Variants in DOK3 observed in about 807,000 individuals in gnomAD.
DOK3 encodes docking protein 3, also known as Dok-like protein.
Under a neutral mutation model 26.2 loss-of-function variants are expected in DOK3, and 23 were observed. That is an observed-to-expected ratio of 0.88 (90% CI 0.63 to 1.24). The LOEUF (loss-of-function observed/expected upper bound fraction) is 1.24, where lower values mean the gene tolerates loss of function less well. DOK3 is among the 50% of genes most tolerant of loss of function. The probability of loss-of-function intolerance (pLI) is 0.00; values close to 1 mark genes in which losing one functional copy is unlikely to be tolerated. For synonymous variants in DOK3, 268 were observed against 268.2 expected (o/e 1.00, Z 0.01); for missense variants, 619 against 610.6 (o/e 1.01, Z -0.15).
At position 177,509,817 on chromosome 5, in the gene DOK3, ACGCG is replaced by A; in HGVS notation, c.-181_-178del. 2 of 1,611,444 alleles carry A rather than the reference ACGCG, an allele frequency of 1.2e-6. No individual in the cohort carries two copies. The highest frequency in any genetic ancestry group is 2.2e-5 in the South Asian group (2 of 90,992). Reference sequence around the variant, plus strand: ...TCTCACGCACCTGGTTCAGCTGGGCACGCGCGTCTGATCGCAGTCTGGCTCCCCG... The same window carrying A: ...TCTCACGCACCTGGTTCAGCTGGGCACGTCTGATCGCAGTCTGGCTCCCCG... On this transcript the variant is annotated 5_prime_UTR_variant, in exon 1 of 6. Transcript: ENST00000510898.
intron 2 of DOK3, 172 bp from the exon 3 acceptor site, chr5:177,508,714 T>C (rs1358102710): frequency 1.5e-6 from 1 of 654,224 alleles, no homozygotes; most frequent in African/African-American, 1.8e-5. Flanking sequence ...TGGTCAGCCC[T>C]GGGTTCAAAT....
rs754470446 is a variant in DOK3 at position 177,508,465 on chromosome 5, G to A, written c.144C>T (p.Val48=). ...SGVARLESWE[V]RDGGLGAAGD... is the part of the protein sequence containing the mutation. ...CCGCTGCTCCCAGGCCACCATCCCG[G>A]ACCTCCCAGCTCTCCAGCCGTGCCA... Residue 48 remains valine (V), a synonymous_variant, in exon 3 of 6, where the codon GTC becomes GTT. Coordinates refer to ENST00000510898, the MANE Select transcript of DOK3 (RefSeq NM_001308236.3). 9.4e-6 allele frequency: 15 copies of A among 1,591,284 alleles called. 1 individual carries two copies. The South Asian group carries it at 1.6e-4, about 17-fold the overall frequency.
chr5:177,503,395 G>C lies in DOK3; in HGVS notation c.*588C>G. On this transcript the variant is annotated 3_prime_UTR_variant, in exon 6 of 6. Coordinates refer to ENST00000510898, the MANE Select transcript of DOK3 (RefSeq NM_001308236.3). ...ACGCCTGGGGTTCCCAGAAGTATCTGCAAATTGTTGGAGTTTCAGCAGGGA... is the reference window on the plus strand; with the variant it reads ...ACGCCTGGGGTTCCCAGAAGTATCTCCAAATTGTTGGAGTTTCAGCAGGGA... The C allele has an allele frequency of 6.5e-7, 1 of 1,533,088 alleles. No homozygotes were observed. The allele number at this position is 1,533,088 out of a possible 1,614,324, so 95.0% of individuals were successfully genotyped here. A position where few individuals can be genotyped will look rare whatever the true frequency, so the allele number is the denominator to read the frequency against.
chr5:177,509,906 A>G, upstream of DOK3: 1 of 1,600,120 alleles, frequency 6.2e-7, no homozygotes, highest in South Asian at 1.1e-5. Flanking sequence ...CCTGGGCCTG[A>G]CACTCCCTGG....
At chr5:177,507,602 C>T (rs1760375706) in intron 3 of DOK3, among the ~76,000 whole-genome samples, 1 of 152,180 alleles carries the variant, frequency 6.6e-6, no homozygotes, top group African/African-American at 2.4e-5. Flanking sequence ...AACACCTGTT[C>T]AAGTTCTCTT....
upstream of DOK3, chr5:177,510,878 T>C (rs1312150051): frequency 6.9e-6 from 1 of 144,292 alleles, no homozygotes; most frequent in African/African-American, 2.6e-5. Flanking sequence ...GCAAAGTGCC[T>C]GGCTCAGAGG....
Position 177,508,477 on chromosome 5 carries a change from C to A in DOK3, c.132G>T (p.Glu44Asp). Residue 44 changes from glutamate (E) to aspartate (D), a missense_variant, in exon 3 of 6, where the codon GAG becomes GAT. Physicochemically the swap from Glu to Asp is conservative, Grantham distance 45. Transcript: ENST00000510898. Reference sequence around the variant, plus strand: ...GGCCACCATCCCGGACCTCCCAGCTCTCCAGCCGTGCCACGCCTGATGGGC... The same window carrying A: ...GGCCACCATCCCGGACCTCCCAGCTATCCAGCCGTGCCACGCCTGATGGGC... ...AGGPSGVARL[E>D]SWEVRDGGLG... is the part of the protein sequence containing the mutation. 1 of 1,590,294 alleles carries A rather than the reference C, an allele frequency of 6.3e-7. No homozygotes were observed.
At chr5:177,510,147 A>C, upstream of DOK3, 5 of 537,632 alleles carry the variant, frequency 9.3e-6, no homozygotes, top group South Asian at 4.8e-5. Flanking sequence ...ACCCAAGACC[A>C]ACCTGTCTCT....
In DOK3 at chr5:177,503,719, G is replaced by C; in HGVS notation, c.*264C>G. ...CCTGGAACCGGCACAGGGTGCTTGT[G>C]TTGGCCGCAATGAACGTGGGCAGGG... On this transcript the variant is annotated 3_prime_UTR_variant, in exon 6 of 6. Coordinates refer to ENST00000510898, the MANE Select transcript of DOK3 (RefSeq NM_001308236.3). The C allele has an allele frequency of 7.1e-7, 1 of 1,407,262 alleles. No individual in the cohort carries two copies. Among genetic ancestry groups the C allele is most frequent in the Non-Finnish European group, 9.2e-7 (1 of 1,085,556 alleles). 87.2% of individuals were successfully genotyped at this position (1,407,262 alleles called of 1,614,324 possible).
chr5:177,509,375 G>A, intron 2 of DOK3, 100 bp downstream of exon 2: 4 of 1,471,524 alleles, frequency 2.7e-6, no homozygotes, highest in Non-Finnish European at 2.7e-6. Context: ...CCCTTCCCAA[G>A]TCTCCCAGGT....
Position 177,502,893 on chromosome 5 carries a change from A to T in DOK3, c.*1090T>A. ...GAGGGGATGGTGGGCAGAGGCCTCG[A>T]AGAGCCAGAAAAGGGTCCCTGCAGG... On this transcript the variant is annotated 3_prime_UTR_variant, in exon 6 of 6. Transcript: ENST00000510898. The T allele has an allele frequency of 1.5e-6, 1 of 648,506 alleles. No individual in the cohort carries two copies. Among genetic ancestry groups the T allele is most frequent in the Non-Finnish European group, 2.6e-6 (1 of 381,582 alleles). The allele number at this position is 648,506 out of a possible 1,614,324, so 40.2% of individuals were successfully genotyped here. A position where few individuals can be genotyped will look rare whatever the true frequency, so the allele number is the denominator to read the frequency against.
In DOK3 at chr5:177,508,502, C is replaced by G. The variant is rs377307152; in HGVS notation, c.107G>C (p.Gly36Ala). The part of the protein sequence containing the change: ...RKVWALLYAG[G>A]PSGVARLESW... ...CTCCAGCCGTGCCACGCCTGATGGG[C>G]CTCCTGCATACAGCAGAGCCCACAC... The change falls in exon 3 of 6, where the codon GGC becomes GCC. Residue 36 changes from glycine (G) to alanine (A), a missense_variant. Physicochemically the swap from Gly to Ala is moderately conservative, Grantham distance 60 (BLOSUM62 0). Transcript: ENST00000510898. 20 of 1,586,088 alleles carry G rather than the reference C, an allele frequency of 1.3e-5. No homozygotes were observed. The highest frequency in any genetic ancestry group is 5.1e-6 in the Non-Finnish European group (6 of 1,166,232).
rs1191591559 is a variant in DOK3 at position 177,503,640 on chromosome 5, G to GC, written c.*342dup. The stretch of plus-strand genomic sequence containing the variant: ...CTAATGATTTCCATCCCGTCTGTCT[G>GC]CTGCAGTGGGTTTGAGCCCACGGGT... On this transcript the variant is annotated 3_prime_UTR_variant, in exon 6 of 6. Transcript: ENST00000510898. 2 of 1,311,248 alleles carry GC rather than the reference G, an allele frequency of 1.5e-6. No homozygotes were observed. Among genetic ancestry groups the GC allele is most frequent in the Non-Finnish European group, 2.0e-6 (2 of 998,270 alleles). The allele number at this position is 1,311,248 out of a possible 1,614,324, so 81.2% of individuals were successfully genotyped here. A position where few individuals can be genotyped will look rare whatever the true frequency, so the allele number is the denominator to read the frequency against.
At chr5:177,505,885 C>T (rs901908576) in intron 3 of DOK3, among the ~76,000 whole-genome samples, 7 of 152,262 alleles carry the variant, frequency 4.6e-5, no homozygotes, top group East Asian at 3.9e-4. Flanking sequence ...TACAGGTGCC[C>T]GCCACCAGGC....
At chr5:177,506,046 G>A (rs1300306401) in intron 3 of DOK3, among the ~76,000 whole-genome samples, 9 of 148,782 alleles carry the variant, frequency 6.0e-5, no homozygotes, top group Non-Finnish European at 8.9e-5. Context: ...CCCGCCTCCC[G>A]GGTTTAAGTG....
rs1202279439 is a variant in DOK3 at position 177,502,101 on chromosome 5, G to GT, written c.*1881dup. The GT allele has an allele frequency of 1.3e-5, 2 of 152,228 alleles. No individual in the cohort carries two copies. Among genetic ancestry groups the GT allele is most frequent in the African/African-American group, 4.8e-5 (2 of 41,432 alleles). 9.4% of individuals were successfully genotyped at this position (152,228 alleles called of 1,614,324 possible). A position where few individuals can be genotyped will look rare whatever the true frequency, so the allele number is the denominator to read the frequency against. On this transcript the variant is annotated 3_prime_UTR_variant, in exon 6 of 6. Coordinates refer to ENST00000510898, the MANE Select transcript of DOK3 (RefSeq NM_001308236.3). ...TGTTATGAGGTAGGAGGAATAGCAA[G>GT]TAACGGGGGTGTTTCAAGAACCAGA... is the stretch of plus-strand genomic sequence containing the variant.
rs776136158 is a variant in DOK3 at position 177,503,003 on chromosome 5, C to T, written c.*980G>A. ...TGGCGGCCAGAGGATGAGGCTTGGACAGGAGAGAGCAAAAATTGTGTGTCC... is the reference window on the plus strand; with the variant it reads ...TGGCGGCCAGAGGATGAGGCTTGGATAGGAGAGAGCAAAAATTGTGTGTCC... On this transcript the variant is annotated 3_prime_UTR_variant, in exon 6 of 6. Coordinates refer to ENST00000510898, the MANE Select transcript of DOK3 (RefSeq NM_001308236.3). 1.5e-5 allele frequency: 22 copies of T among 1,472,262 alleles called. No individual in the cohort carries two copies. The highest frequency in any genetic ancestry group is 1.9e-5 in the Non-Finnish European group (21 of 1,094,948). 91.2% of individuals were successfully genotyped at this position (1,472,262 alleles called of 1,614,324 possible). A position where few individuals can be genotyped will look rare whatever the true frequency, so the allele number is the denominator to read the frequency against.
intron 3 of DOK3, among the ~76,000 whole-genome samples, chr5:177,507,894 C>G (rs1456238469): frequency 6.6e-6 from 1 of 152,246 alleles, no homozygotes; most frequent in Non-Finnish European, 1.5e-5. Context: ...ACACCCCACA[C>G]TGTCCGGCCT....
chr5:177,504,192 T>A lies in DOK3; in HGVS notation c.1114A>T (p.Thr372Ser). ...TGGCCGTTGTGGTAGATGGGACTGG[T>A]TGTGGGGCTGCGGCTGCCGGGGCCC... ...HEGPGSRSPT[T>S]SPIYHNGQDL... Residue 372 changes from threonine to serine, a missense_variant, in exon 6 of 6, where the codon ACC becomes TCC. By Grantham distance (58) the Thr-to-Ser change is moderately conservative (BLOSUM62 1). Transcript: ENST00000510898. 1 of 1,613,594 alleles carries A rather than the reference T, an allele frequency of 6.2e-7. No individual in the cohort carries two copies. Among genetic ancestry groups the A allele is most frequent in the South Asian group, 1.1e-5 (1 of 91,020 alleles).
Sources: allele counts gnomAD v4.1 joint callset (sites outside exome capture counted in the v4.1 genomes callset), GRCh38; gene constraint gnomAD v4.1.1; transcripts MANE v1.5; gene names NCBI Gene and HGNC (gene_info 2026-07-23, HGNC 2026-07-21).